The following SEPTIN14 variants were observed in gnomAD, a reference collection of about 807,000 sequenced individuals.
SEPTIN14 encodes the protein septin-14.
A neutral mutation model predicts 53.6 loss-of-function variants in SEPTIN14; 40 were observed. The observed-to-expected ratio is 0.75, with a 90% CI of 0.58 to 0.97. The LOEUF is 0.97. SEPTIN14 is among the 50% of genes least tolerant of loss of function. The pLI, the probability that SEPTIN14 is intolerant of heterozygous loss-of-function variation, is 0.00. For synonymous variants in SEPTIN14, 138 were observed against 166.8 expected, an observed-to-expected ratio of 0.83 and a Z score of 1.33; for missense variants, 471 against 508.2, an observed-to-expected ratio of 0.93 and a Z score of 0.70.
Position 55,834,483 on chromosome 7 carries a change from T to C in SEPTIN14, c.662A>G (p.Gln221Arg), listed in dbSNP as rs138260233. 2.7e-5 allele frequency: 43 copies of C among 1,613,266 alleles called. No individual in the cohort carries two copies. The highest frequency in any genetic ancestry group is 1.7e-4 in the Admixed American group (10 of 59,992). Residue 221 changes from glutamine to arginine, a missense_variant, in exon 6 of 10, where the codon CAG becomes CGG. Coordinates refer to ENST00000388975, the MANE Select transcript of SEPTIN14 (RefSeq NM_207366.3). ...IMSELISNGI[Q>R]IYQLPTDEET... ...TTCATCTGTTGGGAGCTGATATATCTGGATGCCATTGCTAATCAATTCACT... is the reference window on the plus strand; with the variant it reads ...TTCATCTGTTGGGAGCTGATATATCCGGATGCCATTGCTAATCAATTCACT...
intron 7 of SEPTIN14, among the ~76,000 whole-genome samples, chr7:55,813,579 T>G (rs1007137340): frequency 3.9e-5 from 6 of 151,952 alleles, no homozygotes; most frequent in African/African-American, 1.5e-4. Flanking sequence ...AAAGGAAGAT[T>G]AGAAGAGAAC....
chr7:55,836,271 A>C (rs1335140395), intron 5 of SEPTIN14, among the ~76,000 whole-genome samples: 1 of 152,222 alleles, frequency 6.6e-6, no homozygotes, highest in Admixed American at 6.5e-5. Context: ...TTAAATAACT[A>C]AACTTTTTAG....
At chr7:55,821,607 C>T (rs192556229) in intron 6 of SEPTIN14, among the ~76,000 whole-genome samples, 2 of 150,314 alleles carry the variant, frequency 1.3e-5, no homozygotes, top group East Asian at 4.0e-4. Flanking sequence ...TAAAGACAGA[C>T]ATGTAGACCA....
intron 9 of SEPTIN14, among the ~76,000 whole-genome samples, chr7:55,796,425 G>C (rs961410467): frequency 3.9e-5 from 6 of 151,960 alleles, no homozygotes; most frequent in Non-Finnish European, 8.8e-5. Context: ...ACCATGCCCA[G>C]CTAATTTTTG....
At chr7:55,827,201 C>A (rs1367475117) in intron 6 of SEPTIN14, among the ~76,000 whole-genome samples, 1 of 152,196 alleles carries the variant, frequency 6.6e-6, no homozygotes, top group Non-Finnish European at 1.5e-5. Context: ...ACCCAGCTAG[C>A]CAACACTGCA....
intron 7 of SEPTIN14, among the ~76,000 whole-genome samples, chr7:55,810,006 G>A (rs1330820705): frequency 6.6e-6 from 1 of 151,740 alleles, no homozygotes; most frequent in East Asian, 2.0e-4. Context: ...CTGATTTTGT[G>A]TATTTTTAGT....
chr7:55,846,065 GTATA>G lies in SEPTIN14; in HGVS notation c.175+448_175+451del, dbSNP rs56306800. Among the ~76,000 whole-genome samples, 43 of 39,746 alleles carry G rather than the reference GTATA, an allele frequency of 1.1e-3. 4 individuals are homozygous for G. Among genetic ancestry groups the G allele is most frequent in the South Asian group, 2.6e-3 (2 of 784 alleles). 26.1% of individuals were successfully genotyped at this position (39,746 alleles called of 152,430 possible). On this transcript the variant is annotated intron_variant, in intron 3 of 9. Coordinates refer to ENST00000388975, the MANE Select transcript of SEPTIN14 (RefSeq NM_207366.3). ...CTCCGTCTCAGAAAAAAAAAAAAAAGTATATATATATATATATATATATATATGT... is the reference window on the plus strand; with the variant it reads ...CTCCGTCTCAGAAAAAAAAAAAAAAGTATATATATATATATATATATATGT...
intron 9 of SEPTIN14, among the ~76,000 whole-genome samples, chr7:55,797,645 G>T (rs1290885744): frequency 7.9e-5 from 12 of 152,324 alleles, no homozygotes; most frequent in Admixed American, 6.5e-4. Flanking sequence ...TACCTTAAAA[G>T]AAATGCTTAA....
chr7:55,804,500 C>T (rs1788582413), intron 9 of SEPTIN14, among the ~76,000 whole-genome samples: 1 of 152,074 alleles, frequency 6.6e-6, no homozygotes, highest in Non-Finnish European at 1.5e-5. Context: ...TTTAGGGGAT[C>T]CGCCCGCCTC....
At chr7:55,808,514 A>G (rs1371438852) in intron 7 of SEPTIN14, among the ~76,000 whole-genome samples, 1 of 152,204 alleles carries the variant, frequency 6.6e-6, no homozygotes, top group Non-Finnish European at 1.5e-5. Flanking sequence ...GTGGGAATAT[A>G]AATTAGTTCA....
At position 55,834,569 on chromosome 7, in the gene SEPTIN14, CAGT is replaced by C. The variant is rs1420720910; in HGVS notation, c.573_575del (p.Leu192del). 6.2e-7 allele frequency: 1 copy of C among 1,608,068 alleles called. No homozygotes were observed. On this transcript the variant is annotated inframe_deletion, in exon 6 of 10. Transcript: ENST00000388975. ...TAGAAATAGTGTCTGCTTTGGCAAT[CAGT>C]GGTATAATATTCACCTATGAAGAAA... is the stretch of plus-strand genomic sequence containing the variant.
rs569027040 is a variant in SEPTIN14 at position 55,837,835 on chromosome 7, G to A, written c.559-3249C>T. 4.6e-5 allele frequency among the ~76,000 whole-genome samples: 7 copies of A among 152,160 alleles called. No individual in the cohort carries two copies. The South Asian group carries it at 1.0e-3, about 23-fold the overall frequency. On this transcript the variant is annotated intron_variant, in intron 5 of 9. Coordinates refer to ENST00000388975, the MANE Select transcript of SEPTIN14 (RefSeq NM_207366.3). The stretch of plus-strand genomic sequence containing the variant: ...TGACCTCAGGTGATCTACCTGTCTC[G>A]GCCTCCCAGAGTGCCGGGATTACAG...
chr7:55,819,071 G>A, intron 7 of SEPTIN14, 56 bp downstream of exon 7: 1 of 945,196 alleles, frequency 1.1e-6, no homozygotes, highest in Non-Finnish European at 1.7e-6. Context: ...GAGACTATGA[G>A]TGATACACAT....
intron 6 of SEPTIN14, among the ~76,000 whole-genome samples, chr7:55,833,915 A>G (rs1051403739): frequency 6.6e-6 from 1 of 152,134 alleles, no homozygotes; most frequent in Admixed American, 6.6e-5. Flanking sequence ...ACTATGAACA[A>G]TTATACACCA....
intron 5 of SEPTIN14, among the ~76,000 whole-genome samples, chr7:55,840,038 A>C (rs2116043591): frequency 6.6e-6 from 1 of 151,282 alleles, no homozygotes. Flanking sequence ...CCAGCTACCC[A>C]GGAGGCTGAG....
At chr7:55,840,076 C>T (rs576805074) in intron 5 of SEPTIN14, among the ~76,000 whole-genome samples, 8 of 147,360 alleles carry the variant, frequency 5.4e-5, no homozygotes, top group African/African-American at 1.8e-4. Context: ...ACCTGGGAGA[C>T]GGAGGTTGCA....
At chr7:55,805,172 A>G in intron 9 of SEPTIN14, 86 bp downstream of exon 9, 1 of 1,252,510 alleles carries the variant, frequency 8.0e-7, no homozygotes, top group Non-Finnish European at 1.1e-6. Context: ...CTCCAAAAAC[A>G]TCAAGTAAAC....
chr7:55,852,238 C>T (rs1789531152), intron 2 of SEPTIN14, among the ~76,000 whole-genome samples: 1 of 151,908 alleles, frequency 6.6e-6, no homozygotes, highest in Admixed American at 6.6e-5. Flanking sequence ...CAAAGCAATG[C>T]TGAGTACTCT....
chr7:55,818,571 A>G (rs576933827), intron 7 of SEPTIN14, among the ~76,000 whole-genome samples: 63 of 152,284 alleles, frequency 4.1e-4, no homozygotes, highest in African/African-American at 1.5e-3. Context: ...GAACCAGACA[A>G]TAAATTACTG....
Sources: allele counts gnomAD v4.1 joint callset (sites outside exome capture counted in the v4.1 genomes callset), GRCh38; gene constraint gnomAD v4.1.1; transcripts MANE v1.5; gene names NCBI Gene and HGNC (gene_info 2026-07-23, HGNC 2026-07-21).